The following DNAH5 variants were observed in gnomAD, a reference collection of about 807,000 sequenced individuals.
DNAH5 encodes dynein axonemal heavy chain 5.
A neutral mutation model predicts 518.2 loss-of-function variants in DNAH5; 372 were observed. The observed-to-expected ratio is 0.72, with a 90% confidence interval of 0.66 to 0.78. The LOEUF (loss-of-function observed/expected upper bound fraction) is 0.78. Among genes scored for constraint, DNAH5 ranks in the 30% least tolerant of loss-of-function variants. DNAH5 has a pLI of 0.00. For synonymous variants in DNAH5, 2,039 were observed against 2,025.9 expected (o/e 1.01, Z -0.17); for missense variants, 5,523 against 5,687.0 (o/e 0.97, Z 0.93).
At chr5:13,865,006 CTTTTTTTTTTTTT>C (rs70964512) in intron 27 of DNAH5, among the ~76,000 whole-genome samples, 1 of 124,964 alleles carries the variant, frequency 8.0e-6, no homozygotes, top group Non-Finnish European at 1.6e-5. Context: ...ACAAATAGCT[CTTTTTTTTTTTTT>C]TTTTTTTTGA....
Position 13,712,768 on chromosome 5 carries a change from C to T in DNAH5, c.13125+1637G>A, listed in dbSNP as rs118031203. Among the ~76,000 whole-genome samples, 379 of 151,998 alleles carry T rather than the reference C, an allele frequency of 2.5e-3. 8 individuals are homozygous for T. The East Asian group carries it at 0.06, about 24-fold the overall frequency. ...AGGGAAATGCAAATCAAAACCACAA[C>T]GCGACAACAACTTACTCCTGCAAGA... On this transcript the variant is annotated intron_variant, in intron 75 of 78. Coordinates refer to ENST00000265104, the MANE Select transcript of DNAH5 (RefSeq NM_001369.3).
At position 13,824,216 on chromosome 5, in the gene DNAH5, T is replaced by C. The variant is rs1762599667; in HGVS notation, c.6562A>G (p.Met2188Val). The C allele has an allele frequency of 1.9e-6, 3 of 1,614,122 alleles. No homozygotes were observed. The highest frequency in any genetic ancestry group is 2.5e-6 in the Non-Finnish European group (3 of 1,180,000). Residue 2188 changes from methionine (M) to valine (V), a missense_variant, in exon 39 of 79, where the codon ATG becomes GTG. Transcript: ENST00000265104. The stretch of plus-strand genomic sequence containing the variant: ...AGTCTTACCAGTTTAGAAAGATTCA[T>C]GTCCCGTAGTACACGCATGACAATC... The part of the protein sequence containing the change: ...STIVMRVLRD[M>V]NLSKLIDEDE...
chr5:13,787,344 G>T (rs150087972), intron 51 of DNAH5, among the ~76,000 whole-genome samples: 12 of 152,278 alleles, frequency 7.9e-5, no homozygotes, highest in African/African-American at 2.9e-4. Flanking sequence ...CACTGGGTAC[G>T]AGAAGAATGA....
At chr5:14,005,154 A>G (rs1436959127) in intron 1 of DNAH5, among the ~76,000 whole-genome samples, 1 of 152,036 alleles carries the variant, frequency 6.6e-6, no homozygotes, top group Non-Finnish European at 1.5e-5. Flanking sequence ...CAAGCCCTCT[A>G]TTCCTTTGCC....
rs1329482534 is a variant in DNAH5, at chr5:13,808,690, TG to T, written c.7752+353del. Among the ~76,000 whole-genome samples the T allele has an allele frequency of 3.3e-5, 5 of 150,760 alleles. No individual in the cohort carries two copies. The East Asian group carries it at 1.0e-3, about 30-fold the overall frequency. ...GATGCTTCATGTTGGCTGGGCACGG[TG>T]GCTCACGCCTGTAATCCCAGCACTT... On this transcript the variant is annotated intron_variant, in intron 46 of 78. Transcript: ENST00000265104.
At chr5:13,867,654 A>G (rs1442614739) in intron 25 of DNAH5, 120 bp downstream of exon 25, 6 of 851,648 alleles carry the variant, frequency 7.0e-6, no homozygotes, top group Non-Finnish European at 1.2e-5. Flanking sequence ...TAAAATTCCC[A>G]TTCCCTGGGA....
chr5:13,946,128 T>C (rs1779892670), upstream of DNAH5, among the ~76,000 whole-genome samples: 1 of 152,220 alleles, frequency 6.6e-6, no homozygotes, highest in African/African-American at 2.4e-5. Flanking sequence ...ATGTTACAAT[T>C]CATTACATCG....
rs748465127 is a variant in DNAH5 at position 13,735,332 on chromosome 5, G to C, written c.11571-11C>G. On this transcript the variant is annotated splice_polypyrimidine_tract_variant and intron_variant, in intron 67 of 78. Transcript: ENST00000265104. ...GGGCTCTTGACAGACCTGGTGAATAGAATATTTAAATCAGGCTTATCCCAC... is the reference window on the plus strand; with the variant it reads ...GGGCTCTTGACAGACCTGGTGAATACAATATTTAAATCAGGCTTATCCCAC... The C allele has an allele frequency of 4.3e-6, 7 of 1,613,022 alleles. No individual in the cohort carries two copies. Among genetic ancestry groups the C allele is most frequent in the Non-Finnish European group, 5.9e-6 (7 of 1,179,262 alleles).
At chr5:13,866,555 G>A (rs1281522579) in intron 25 of DNAH5, among the ~76,000 whole-genome samples, 1 of 152,102 alleles carries the variant, frequency 6.6e-6, no homozygotes, top group Non-Finnish European at 1.5e-5. Context: ...AGGGAAAGAG[G>A]AGTCAATGCC....
In DNAH5 at chr5:13,766,036, C is replaced by T; in HGVS notation, c.10041G>A (p.Met3347Ile). The change falls in exon 59 of 79, where the codon ATG becomes ATA. Residue 3347 changes from methionine (M) to isoleucine (I), a missense_variant. Met to Ile is a conservative substitution (Grantham distance 10). Transcript: ENST00000265104. ...VKIDLEKSCT[M>I]PSWQESLKLM... The stretch of plus-strand genomic sequence containing the variant: ...ATTTTAAGGATTCCTGCCAGGAGGG[C>T]ATGGTACAGCTTTTTTCCAGGTCAA... 1.9e-6 allele frequency: 3 copies of T among 1,614,176 alleles called. No homozygotes were observed. The highest frequency in any genetic ancestry group is 2.5e-6 in the Non-Finnish European group (3 of 1,180,016).
intron 17 of DNAH5, among the ~76,000 whole-genome samples, chr5:13,890,024 A>G (rs1734516452): frequency 6.6e-6 from 1 of 152,226 alleles, no homozygotes; most frequent in African/African-American, 2.4e-5. Context: ...GGGGCACTTC[A>G]TGGAGCACTG....
At position 13,871,567 on chromosome 5, in the gene DNAH5, T is replaced by C; in HGVS notation, c.3595A>G (p.Thr1199Ala). Reference protein sequence around the residue: ...YVCVGSIALYTADLKFALTAE... With the variant: ...YVCVGSIALYAADLKFALTAE... ...ATATGAAAGAAAATGAACCAACCTGTGTACAGAGCAATGGAACCCACACAG... is the reference window on the plus strand; with the variant it reads ...ATATGAAAGAAAATGAACCAACCTGCGTACAGAGCAATGGAACCCACACAG... The change falls in exon 23 of 79, where the codon ACA (threonine) becomes GCA (alanine). Residue 1199 changes from threonine to alanine, a missense_variant. This residue lies in a region of DNAH5 where 5,121 missense variants were observed against 5,223.3 expected (regional missense o/e 0.98). Coordinates refer to ENST00000265104, the MANE Select transcript of DNAH5 (RefSeq NM_001369.3). 6.2e-7 allele frequency: 1 copy of C among 1,613,000 alleles called. No individual in the cohort carries two copies. The highest frequency in any genetic ancestry group is 1.1e-5 in the South Asian group (1 of 91,052).
intron 44 of DNAH5, 45 bp from the exon 45 acceptor site, chr5:13,810,305 C>G (rs1446668363): frequency 1.3e-6 from 2 of 1,510,698 alleles, no homozygotes. Context: ...ATTCTGAAAC[C>G]CAAACGTTGC....
chr5:13,786,173 C>T lies in DNAH5; in HGVS notation c.8820+6G>A, dbSNP rs201287534. ...CACAAGGCACTACTCAGAGTGGCTA[C>T]TGTACCTTGACTAAGTGAACCATGG... is the stretch of plus-strand genomic sequence containing the variant. On this transcript the variant is annotated splice_donor_region_variant and intron_variant, in intron 52 of 78. Coordinates refer to ENST00000265104, the MANE Select transcript of DNAH5 (RefSeq NM_001369.3). 3.7e-6 allele frequency: 6 copies of T among 1,612,200 alleles called. No homozygotes were observed. The highest frequency in any genetic ancestry group is 1.7e-6 in the Non-Finnish European group (2 of 1,179,502).
In DNAH5 at chr5:13,839,543, G is replaced by C; in HGVS notation, c.5710-15C>G. 1 of 1,605,890 alleles carries C rather than the reference G, an allele frequency of 6.2e-7. No homozygotes were observed. The highest frequency in any genetic ancestry group is 1.3e-5 in the African/African-American group (1 of 74,846). On this transcript the variant is annotated splice_polypyrimidine_tract_variant and intron_variant, in intron 34 of 78. Transcript: ENST00000265104. Reference sequence around the variant, plus strand: ...TGCATATGACACTGAAATTCAAAAGGTATATGTTAGAGCTCTGATGAGAAT... The same window carrying C: ...TGCATATGACACTGAAATTCAAAAGCTATATGTTAGAGCTCTGATGAGAAT...
chr5:13,724,783 T>A (rs1745503065), intron 70 of DNAH5, among the ~76,000 whole-genome samples: 1 of 152,220 alleles, frequency 6.6e-6, no homozygotes, highest in South Asian at 2.1e-4. Context: ...ACTCTCTTGC[T>A]CTGGCTCTCG....
At chr5:13,951,080 A>G (rs1050363096) in intron 1 of DNAH5, among the ~76,000 whole-genome samples, 1 of 151,800 alleles carries the variant, frequency 6.6e-6, no homozygotes, top group African/African-American at 2.4e-5. Flanking sequence ...ACATTTTGCT[A>G]CCTTTTAATT....
intron 75 of DNAH5, among the ~76,000 whole-genome samples, chr5:13,711,377 A>G (rs1743453144): frequency 6.6e-6 from 1 of 152,230 alleles, no homozygotes; most frequent in Non-Finnish European, 1.5e-5. Flanking sequence ...TCAATGTAAT[A>G]AAAGCCATCT....
chr5:13,737,769 C>T (rs1247689173), intron 65 of DNAH5, among the ~76,000 whole-genome samples: 1 of 150,342 alleles, frequency 6.7e-6, no homozygotes, highest in Non-Finnish European at 1.5e-5. Context: ...TACTAAAATA[C>T]AAAAAAAAAT....
Sources: allele counts gnomAD v4.1 joint callset (sites outside exome capture counted in the v4.1 genomes callset), GRCh38; gene constraint gnomAD v4.1.1; regional missense constraint gnomAD v4.1.1; transcripts MANE v1.5; gene names NCBI Gene and HGNC (gene_info 2026-07-23, HGNC 2026-07-21).